ERCC3: variants seen among roughly 807,000 people sequenced by gnomAD.
ERCC3 encodes ERCC excision repair 3, TFIIH core complex helicase subunit, also known as general transcription and DNA repair factor IIH helicase/translocase subunit XPB.
ERCC3 carries 66 observed loss-of-function variants against 94.2 expected under a neutral mutation model. That is an observed-to-expected ratio of 0.70 (90% CI 0.57 to 0.86). ERCC3 has a LOEUF of 0.86. Among genes scored for constraint, ERCC3 ranks in the 40% least tolerant of loss-of-function variants. The pLI is 0.00. For synonymous variants in ERCC3, 349 were observed against 369.1 expected, an observed-to-expected ratio of 0.95 and a Z score of 0.63; for missense variants, 829 against 987.1, an observed-to-expected ratio of 0.84 and a Z score of 2.15.
rs566656100 is a variant in ERCC3, at chr2:127,264,847, ATTTT to A, written c.1946-3505_1946-3502del. ...GGTCCAGGACTTTTTTAGTTGGTAG[ATTTT>A]TTTTTTTTTTTTTGGAGGCGGAGTC... On this transcript the variant is annotated intron_variant, in intron 12 of 14. Transcript: ENST00000285398. The surrounding 1 kb of genome is among the most constrained non-coding windows in gnomAD (Gnocchi z 4.4). Among the ~76,000 whole-genome samples, 2 of 138,630 alleles carry A rather than the reference ATTTT, an allele frequency of 1.4e-5. No homozygotes were observed. Among genetic ancestry groups the A allele is most frequent in the Non-Finnish European group, 1.6e-5 (1 of 63,514 alleles). 90.9% of individuals were successfully genotyped at this position (138,630 alleles called of 152,430 possible). A position where few individuals can be genotyped will look rare whatever the true frequency, so the allele number is the denominator to read the frequency against.
Position 127,279,398 on chromosome 2 carries a change from G to A in ERCC3, c.1528-23C>T. The stretch of plus-strand genomic sequence containing the variant: ...GACCTGTAATACAGTAAGAACCAGG[G>A]GTCATTTTACAAGTTTAAACACCAC... On this transcript the variant is annotated intron_variant, in intron 9 of 14. Coordinates refer to ENST00000285398, the MANE Select transcript of ERCC3 (RefSeq NM_000122.2). The surrounding 1 kb of genome is among the most constrained non-coding windows in gnomAD (Gnocchi z 4.7). The A allele has an allele frequency of 6.4e-7, 1 of 1,564,462 alleles. No homozygotes were observed. Among genetic ancestry groups the A allele is most frequent in the Non-Finnish European group, 8.8e-7 (1 of 1,134,766 alleles).
At chr2:127,290,082 C>A in intron 4 of ERCC3, 142 bp downstream of exon 4, 1 of 827,862 alleles carries the variant, frequency 1.2e-6, no homozygotes, top group South Asian at 1.5e-5. Flanking sequence ...CCAGTCTGGG[C>A]CACATCTCTT....
At position 127,280,075 on chromosome 2, in the gene ERCC3, C is replaced by T. The variant is rs1158750890; in HGVS notation, c.1527+372G>A. ...CAGGGCTGGGAGCATATCAGTTAGG[C>T]GCTTGGGGCTATCAGAGCAAAGCCC... On this transcript the variant is annotated intron_variant, in intron 9 of 14. Transcript: ENST00000285398. The surrounding 1 kb of genome is among the most constrained non-coding windows in gnomAD (Gnocchi z 6.3). Among the ~76,000 whole-genome samples, 1 of 152,166 alleles carries T rather than the reference C, an allele frequency of 6.6e-6. No individual in the cohort carries two copies. Among genetic ancestry groups the T allele is most frequent in the African/African-American group, 2.4e-5 (1 of 41,444 alleles).
At position 127,259,712 on chromosome 2, in the gene ERCC3, T is replaced by C; in HGVS notation, c.2065-264A>G. On this transcript the variant is annotated intron_variant, in intron 13 of 14. Transcript: ENST00000285398. The surrounding 1 kb of genome is among the most constrained non-coding windows in gnomAD (Gnocchi z 4.9). ...CCCCCAGCACACAGCATCTAAATGA[T>C]CATGTATGGAAGATCAACAGGAAGA... 1 of 497,870 alleles carries C rather than the reference T, an allele frequency of 2.0e-6. No individual in the cohort carries two copies. Among genetic ancestry groups the C allele is most frequent in the Non-Finnish European group, 3.7e-6 (1 of 273,154 alleles). The allele number at this position is 497,870 out of a possible 1,614,324, so 30.8% of individuals were successfully genotyped here. A position where few individuals can be genotyped will look rare whatever the true frequency, so the allele number is the denominator to read the frequency against.
intron 7 of ERCC3, 69 bp from the exon 8 acceptor site, chr2:127,287,086 A>T: frequency 8.3e-7 from 1 of 1,211,446 alleles, no homozygotes; most frequent in Non-Finnish European, 1.2e-6. Flanking sequence ...AGGCAGAATG[A>T]CTCACAAGTA....
chr2:127,293,524 G>T lies in ERCC3; in HGVS notation c.223C>A (p.Pro75Thr), dbSNP rs774644406. 1.2e-6 allele frequency: 2 copies of T among 1,614,110 alleles called. No individual in the cohort carries two copies. The highest frequency in any genetic ancestry group is 8.5e-7 in the Non-Finnish European group (1 of 1,179,998). Residue 75 changes from proline (P) to threonine (T), a missense_variant, in exon 2 of 15, where the codon CCC (proline) becomes ACC (threonine). Transcript: ENST00000285398. ...MPLKDDHTSR[P>T]LWVAPDGHIF... Reference sequence around the variant, plus strand: ...AAGGGCATGCTTACCACCCAGAGGGGCCTGGAGGTGTGGTCGTCCTTCAGC... The same window carrying T: ...AAGGGCATGCTTACCACCCAGAGGGTCCTGGAGGTGTGGTCGTCCTTCAGC...
At chr2:127,272,002 CATTTCT>C (rs1250278279) in intron 11 of ERCC3, among the ~76,000 whole-genome samples, 10 of 134,578 alleles carry the variant, frequency 7.4e-5, no homozygotes, top group Non-Finnish European at 4.7e-5. Flanking sequence ...CATAAAATCT[CATTTCT>C]TTTTTTTTTT....
chr2:127,266,840 C>T (rs761811547), intron 12 of ERCC3, among the ~76,000 whole-genome samples: 13 of 151,754 alleles, frequency 8.6e-5, no homozygotes, highest in Non-Finnish European at 1.6e-4. Context: ...CCTCAGGCTC[C>T]CGAGTAGCTG....
chr2:127,290,570 CCTAGT>C (rs1685235960), intron 3 of ERCC3: 6 of 465,902 alleles, frequency 1.3e-5, no homozygotes, highest in South Asian at 1.2e-4. Flanking sequence ...CAGCCCCCAC[CCTAGT>C]CTAGAGAAGA....
chr2:127,273,539 T>A (rs1338946921), intron 10 of ERCC3, among the ~76,000 whole-genome samples: 1 of 151,140 alleles, frequency 6.6e-6, no homozygotes, highest in Non-Finnish European at 1.5e-5. Flanking sequence ...CACCTGAGGT[T>A]GGGAATTCAC....
chr2:127,287,507 G>A (rs962108662), intron 7 of ERCC3, among the ~76,000 whole-genome samples: 10 of 152,044 alleles, frequency 6.6e-5, no homozygotes, highest in African/African-American at 1.7e-4. Flanking sequence ...GGTGGCGGGC[G>A]CCTATAATCC....
At chr2:127,266,069 T>A (rs939211062) in intron 12 of ERCC3, among the ~76,000 whole-genome samples, 11 of 151,724 alleles carry the variant, frequency 7.3e-5, no homozygotes, top group Admixed American at 6.6e-4. Context: ...TTAGTTTCTA[T>A]GTAATTGTGT....
Position 127,290,540 on chromosome 2 carries a change from G to A in ERCC3, c.472-267C>T, listed in dbSNP as rs1236580091. On this transcript the variant is annotated intron_variant, in intron 3 of 14. Transcript: ENST00000285398. ...AACGCTGCTTAAAATCTTGCATTCTGCCTTTCCTCTCTATTCCCACAGCCC... is the reference window on the plus strand; with the variant it reads ...AACGCTGCTTAAAATCTTGCATTCTACCTTTCCTCTCTATTCCCACAGCCC... 3 of 519,046 alleles carry A rather than the reference G, an allele frequency of 5.8e-6. No individual in the cohort carries two copies. In the Admixed American group the frequency reaches 9.2e-5, roughly 16 times the overall value. 32.2% of individuals were successfully genotyped at this position (519,046 alleles called of 1,614,324 possible). A position where few individuals can be genotyped will look rare whatever the true frequency, so the allele number is the denominator to read the frequency against.
intron 12 of ERCC3, among the ~76,000 whole-genome samples, chr2:127,269,498 T>G (rs139006676): frequency 6.7e-6 from 1 of 148,690 alleles, no homozygotes; most frequent in South Asian, 2.2e-4. Flanking sequence ...CTCGGCTCAC[T>G]GTAAGCTCTG....
chr2:127,289,767 C>G lies in ERCC3; in HGVS notation c.579G>C (p.Val193=), dbSNP rs1685202479. The change falls in exon 5 of 15, where the codon GTG becomes GTC. Residue 193 remains valine (V), a synonymous_variant. Coordinates refer to ENST00000285398, the MANE Select transcript of ERCC3 (RefSeq NM_000122.2). The stretch of plus-strand genomic sequence containing the variant: ...AGTTTCTTAAGCGGCATTCTCGGAT[C>G]ACGGGGTCCTGGAGAAGATGCTGGA... ...DVIQHLLQDP[V]IRECRLRNSE... is the part of the protein sequence containing the mutation. The G allele has an allele frequency of 6.2e-7, 1 of 1,613,968 alleles. No homozygotes were observed. The highest frequency in any genetic ancestry group is 1.3e-5 in the African/African-American group (1 of 74,900).
At chr2:127,278,308 G>A (rs565484536) in intron 10 of ERCC3, among the ~76,000 whole-genome samples, 39 of 151,986 alleles carry the variant, frequency 2.6e-4, no homozygotes, top group African/African-American at 5.5e-4. Flanking sequence ...AGTCAAAAGC[G>A]GCTGTCTTCA....
rs1293573019 is a variant in ERCC3, at chr2:127,279,666, G to A, written c.1528-291C>T. On this transcript the variant is annotated intron_variant, in intron 9 of 14. Coordinates refer to ENST00000285398, the MANE Select transcript of ERCC3 (RefSeq NM_000122.2). This position sits in a 1 kb window ranked among gnomAD's most constrained non-coding sequence, Gnocchi z 4.7. ...AATTCCAGCTACGCAGGAGGCTAAG[G>A]CAGGAGAATCACTTGCCCAGGAGGC... Among the ~76,000 whole-genome samples the A allele has an allele frequency of 1.3e-5, 2 of 152,202 alleles. No individual in the cohort carries two copies. Among genetic ancestry groups the A allele is most frequent in the East Asian group, 3.9e-4 (2 of 5,172 alleles).
Position 127,257,657 on chromosome 2 carries a change from G to A in ERCC3, c.2288C>T (p.Ser763Leu). Residue 763 changes from serine to leucine, a missense_variant, in exon 15 of 15, where the codon TCA (serine) becomes TTA (leucine). Transcript: ENST00000285398. The surrounding 1 kb of genome is among the most constrained non-coding windows in gnomAD (Gnocchi z 5.4). ...ADDTVYMEYH[S>L]SRSKAPSKHV... is the part of the protein sequence containing the mutation. ...TTTGCTGGGCGCCTTGCTCCGCGAT[G>A]AGTGGTACTCCATGTACACAGTGTC... is the stretch of plus-strand genomic sequence containing the variant. 1 of 1,614,178 alleles carries A rather than the reference G, an allele frequency of 6.2e-7. No individual in the cohort carries two copies. The highest frequency in any genetic ancestry group is 8.5e-7 in the Non-Finnish European group (1 of 1,180,010).
chr2:127,277,276 C>T lies in ERCC3; in HGVS notation c.1730+1897G>A, dbSNP rs1453547970. Among the ~76,000 whole-genome samples the T allele has an allele frequency of 6.6e-5, 10 of 151,970 alleles. No homozygotes were observed. The East Asian group carries it at 1.7e-3, about 26-fold the overall frequency. ...AAAACAGAACTGAGAAATTACCTGA[C>T]CCTACTGAGTTTATGGTTATGTGAA... is the stretch of plus-strand genomic sequence containing the variant. On this transcript the variant is annotated intron_variant, in intron 10 of 14. Transcript: ENST00000285398. The surrounding 1 kb of genome is among the most constrained non-coding windows in gnomAD (Gnocchi z 5.1).
Sources: allele counts gnomAD v4.1 joint callset (sites outside exome capture counted in the v4.1 genomes callset), GRCh38; gene constraint gnomAD v4.1.1; non-coding constraint Gnocchi (gnomAD v3.1); transcripts MANE v1.5; gene names NCBI Gene and HGNC (gene_info 2026-07-23, HGNC 2026-07-21).